Variants in POLR3E observed in about 807,000 individuals in gnomAD.
POLR3E encodes the protein RNA polymerase III subunit E.
POLR3E carries 41 observed loss-of-function variants against 96.6 expected under a neutral mutation model. That is an observed-to-expected ratio of 0.42 (90% confidence interval 0.33 to 0.55). POLR3E has a LOEUF of 0.55. POLR3E is among the 20% of genes least tolerant of loss of function. The probability of loss-of-function intolerance (pLI) is 0.06; values close to 1 mark genes in which losing one functional copy is unlikely to be tolerated. For synonymous variants in POLR3E, 396 were observed against 383.6 expected, an observed-to-expected ratio of 1.03 and a Z score of -0.38; for missense variants, 849 against 952.1, an observed-to-expected ratio of 0.89 and a Z score of 1.43.
At chr16:22,309,096 A>G (rs2141749231) in intron 5 of POLR3E, 56 bp downstream of exon 5, 2 of 1,240,562 alleles carry the variant, frequency 1.6e-6, no homozygotes, top group East Asian at 4.6e-5. Context: ...AGGAGCCTCC[A>G]AAAGACCTTA....
intron 3 of POLR3E, among the ~76,000 whole-genome samples, chr16:22,307,491 C>T (rs1567310896): frequency 6.6e-6 from 1 of 152,256 alleles, no homozygotes; most frequent in East Asian, 1.9e-4. Context: ...GACTCCTTCA[C>T]CTGAGAGAGA....
intron 18 of POLR3E, 116 bp downstream of exon 18, chr16:22,326,394 G>GGGCCTAGGT: frequency 2.3e-6 from 2 of 880,092 alleles, no homozygotes; most frequent in South Asian, 2.9e-5. Flanking sequence ...GCTCTCACGT[G>GGGCCTAGGT]GGCCTAGGTG....
At position 22,300,878 on chromosome 16, in the gene POLR3E, T is replaced by C. The variant is rs1375942043; in HGVS notation, c.-38-2053T>C. Among the ~76,000 whole-genome samples the C allele has an allele frequency of 2.0e-5, 3 of 152,204 alleles. No homozygotes were observed. The East Asian group carries it at 5.8e-4, about 29-fold the overall frequency. On this transcript the variant is annotated intron_variant, in intron 1 of 20. Coordinates refer to ENST00000299853, the MANE Select transcript of POLR3E (RefSeq NM_018119.4). Reference sequence around the variant, plus strand: ...CAACAAACATGTATTGAGTGCCTGCTGTGTACTAGGCACTTGGGGTACCAC... The same window carrying C: ...CAACAAACATGTATTGAGTGCCTGCCGTGTACTAGGCACTTGGGGTACCAC...
chr16:22,318,812 T>C lies in POLR3E; in HGVS notation c.866-14T>C. 7 of 1,611,486 alleles carry C rather than the reference T, an allele frequency of 4.3e-6. No individual in the cohort carries two copies. Among genetic ancestry groups the C allele is most frequent in the Non-Finnish European group, 5.9e-6 (7 of 1,178,506 alleles). On this transcript the variant is annotated splice_polypyrimidine_tract_variant and intron_variant, in intron 12 of 20. Transcript: ENST00000299853. The surrounding 1 kb of genome is among the most constrained non-coding windows in gnomAD (Gnocchi z 5.0). ...CCCCTCTTCCTTGTCTGATGTCTCC[T>C]GCGTCCTCCTCAGTGAAGGTCATGC...
At chr16:22,300,863 G>A (rs945102899) in intron 1 of POLR3E, among the ~76,000 whole-genome samples, 10 of 152,182 alleles carry the variant, frequency 6.6e-5, no homozygotes, top group African/African-American at 4.8e-5. Context: ...CAACAAACAT[G>A]TATTGAGTGC....
rs764604934 is a variant in POLR3E, at chr16:22,333,614, A to C, written c.2071-30A>C. 2.6e-6 allele frequency: 4 copies of C among 1,558,226 alleles called. No homozygotes were observed. In the Admixed American group the frequency reaches 6.7e-5, roughly 26 times the overall value. ...GTAATTAGCTCCTTTTCCTGCAAAA[A>C]TCTGTGCTTACCCTGTTTCTCTCTC... On this transcript the variant is annotated intron_variant, in intron 20 of 20. Transcript: ENST00000299853.
intron 6 of POLR3E, among the ~76,000 whole-genome samples, chr16:22,312,748 T>C (rs1199961181): frequency 6.6e-6 from 1 of 151,670 alleles, no homozygotes; most frequent in African/African-American, 2.4e-5. Context: ...ACACCTGTAG[T>C]CCCAGCTACT....
chr16:22,306,403 G>A (rs968294677), intron 3 of POLR3E, among the ~76,000 whole-genome samples: 17 of 152,112 alleles, frequency 1.1e-4, no homozygotes, highest in Non-Finnish European at 2.1e-4. Context: ...CTACAGGCAC[G>A]CGCCACAAGC....
intron 3 of POLR3E, among the ~76,000 whole-genome samples, chr16:22,306,034 C>G (rs74982939): frequency 0.016 from 2,442 of 152,174 alleles, 90 homozygotes; most frequent in East Asian, 0.1. Flanking sequence ...TTAAAGGAAC[C>G]CCTTGCCTAT....
intron 8 of POLR3E, among the ~76,000 whole-genome samples, chr16:22,314,662 T>C (rs1305439077): frequency 6.6e-6 from 1 of 151,626 alleles, no homozygotes; most frequent in Non-Finnish European, 1.5e-5. Context: ...GAGTGGTGAG[T>C]GTTTGGAAGC....
At chr16:22,326,907 T>A (rs1241267355) in intron 18 of POLR3E, 1 of 153,976 alleles carries the variant, frequency 6.5e-6, no homozygotes, top group African/African-American at 2.4e-5. Context: ...TCTCAGCACT[T>A]CCAGTGCCAG....
At chr16:22,316,237 T>TAA (rs1333679388) in intron 9 of POLR3E, among the ~76,000 whole-genome samples, 4 of 152,210 alleles carry the variant, frequency 2.6e-5, no homozygotes, top group African/African-American at 9.6e-5. Flanking sequence ...ATGAGAGTAG[T>TAA]AATAATAGTA....
At chr16:22,325,401 C>T (rs1049513698) in intron 17 of POLR3E, 135 bp downstream of exon 17, 2 of 763,882 alleles carry the variant, frequency 2.6e-6, no homozygotes, top group Non-Finnish European at 4.6e-6. Context: ...ACCCTCCTTC[C>T]TTTCCTGCCA....
rs976019737 is a variant in POLR3E, at chr16:22,316,541, G to A, written c.643-60G>A. 11 of 1,352,592 alleles carry A rather than the reference G, an allele frequency of 8.1e-6. No homozygotes were observed. In the Admixed American group the frequency reaches 8.7e-5, roughly 11 times the overall value. 83.8% of individuals were successfully genotyped at this position (1,352,592 alleles called of 1,614,324 possible). On this transcript the variant is annotated intron_variant, in intron 9 of 20. Coordinates refer to ENST00000299853, the MANE Select transcript of POLR3E (RefSeq NM_018119.4). ...GTGGAAGACGGGAGGCCTTGGGGGA[G>A]GGGGCCCAGGCCAGGGCCATCAGCT...
At position 22,312,012 on chromosome 16, in the gene POLR3E, A is replaced by G. The variant is rs2048257419; in HGVS notation, c.365-1608A>G. Among the ~76,000 whole-genome samples, 2 of 152,154 alleles carry G rather than the reference A, an allele frequency of 1.3e-5. 1 individual carries two copies. The highest frequency in any genetic ancestry group is 6.3e-3 in the Middle Eastern group (2 of 316). On this transcript the variant is annotated intron_variant, in intron 6 of 20. Coordinates refer to ENST00000299853, the MANE Select transcript of POLR3E (RefSeq NM_018119.4). ...GATGAATTTCTCAGAACGTATCCCT[A>G]TTGTTAAGTGATGTGTGGCTGTATG...
intron 2 of POLR3E, among the ~76,000 whole-genome samples, chr16:22,304,428 G>A (rs1022948195): frequency 2.0e-5 from 3 of 152,190 alleles, no homozygotes; most frequent in African/African-American, 7.2e-5. Context: ...GGATAGAAGA[G>A]TCCAAGGGAC....
intron 11 of POLR3E, 21 bp downstream of exon 11, chr16:22,317,060 A>C (rs1598259116): frequency 6.2e-7 from 1 of 1,613,542 alleles, no homozygotes; most frequent in Non-Finnish European, 8.5e-7. Flanking sequence ...GCGGCAGGAC[A>C]CCCTCTCCCT....
chr16:22,328,577 T>C lies in POLR3E; in HGVS notation c.1934T>C (p.Met645Thr). The change falls in exon 19 of 21, where the codon ATG becomes ACG. Residue 645 changes from methionine to threonine, a missense_variant. Physicochemically the swap from Met to Thr is moderately conservative, Grantham distance 81. Coordinates refer to ENST00000299853, the MANE Select transcript of POLR3E (RefSeq NM_018119.4). The stretch of plus-strand genomic sequence containing the variant: ...TTTGCCCTCTGGGAGTCTGGAGACA[T>C]GAGTGATCAGGTGAGGTGAACTTTG... ...KVFALWESGDMSDQHRQVLLE... is the reference protein window; with the variant it reads ...KVFALWESGDTSDQHRQVLLE... The C allele has an allele frequency of 1.2e-6, 2 of 1,613,674 alleles. No individual in the cohort carries two copies. The highest frequency in any genetic ancestry group is 1.7e-6 in the Non-Finnish European group (2 of 1,179,676).
intron 19 of POLR3E, among the ~76,000 whole-genome samples, chr16:22,330,979 T>C (rs1387959268): frequency 7.4e-6 from 1 of 135,360 alleles, no homozygotes; most frequent in Non-Finnish European, 1.6e-5. Context: ...TAGTGATACA[T>C]GAAGCATCCT....
Sources: allele counts gnomAD v4.1 joint callset (sites outside exome capture counted in the v4.1 genomes callset), GRCh38; gene constraint gnomAD v4.1.1; non-coding constraint Gnocchi (gnomAD v3.1); transcripts MANE v1.5; gene names NCBI Gene and HGNC (gene_info 2026-07-23, HGNC 2026-07-21).